ALDH1A2: variants seen among roughly 807,000 people sequenced by gnomAD.
The protein encoded by ALDH1A2 is aldehyde dehydrogenase 1 family member A2.
Under a neutral mutation model 60.3 loss-of-function variants are expected in ALDH1A2, and 27 were observed. The ratio of observed to expected loss-of-function variants is 0.45; its 90% CI spans 0.33 to 0.62. The LOEUF (loss-of-function observed/expected upper bound fraction) is 0.62, where lower values mean the gene tolerates loss of function less well. ALDH1A2 is among the 20% of genes least tolerant of loss of function. The probability of loss-of-function intolerance (pLI) is 0.02; values close to 1 mark genes in which losing one functional copy is unlikely to be tolerated. For missense variants in ALDH1A2, 581 were observed against 643.8 expected (o/e 0.90, Z 1.06); for synonymous variants, 289 against 232.4 (o/e 1.24, Z -2.21).
chr15:58,000,844 C>G (rs902687430), intron 4 of ALDH1A2, among the ~76,000 whole-genome samples: 1 of 151,710 alleles, frequency 6.6e-6, no homozygotes, highest in African/African-American at 2.4e-5. Context: ...ATCCACAGAC[C>G]ACACTCTGAG....
chr15:57,977,920 CTAAG>C (rs1300905737), intron 7 of ALDH1A2, among the ~76,000 whole-genome samples: 1 of 152,128 alleles, frequency 6.6e-6, no homozygotes, highest in Non-Finnish European at 1.5e-5. Flanking sequence ...CCAATCTCTT[CTAAG>C]TTTTATTCCT....
intron 4 of ALDH1A2, among the ~76,000 whole-genome samples, chr15:58,007,226 T>C (rs1295060396): frequency 6.6e-6 from 1 of 152,006 alleles, no homozygotes. Context: ...TAATCTTTTA[T>C]TTCCCCTAGG....
chr15:58,034,268 G>T (rs1329867311), intron 1 of ALDH1A2, among the ~76,000 whole-genome samples: 1 of 151,534 alleles, frequency 6.6e-6, no homozygotes, highest in Non-Finnish European at 1.5e-5. Context: ...AATTCCAAAT[G>T]TTCATCACCA....
chr15:58,030,663 CCTT>C (rs778542659), intron 1 of ALDH1A2, among the ~76,000 whole-genome samples: 11 of 151,854 alleles, frequency 7.2e-5, no homozygotes, highest in Admixed American at 2.6e-4. Flanking sequence ...CCCAAAATCT[CCTT>C]AATAGGCAAC....
chr15:58,014,461 T>C lies in ALDH1A2; in HGVS notation c.118-180A>G, dbSNP rs574356181. On this transcript the variant is annotated intron_variant, in intron 1 of 12. Coordinates refer to ENST00000249750, the MANE Select transcript of ALDH1A2 (RefSeq NM_003888.4). ...CAATTTAGGAATTTCCTCTATATTT[T>C]TGCTTTAACATCATCCAAAGGCTAA... 3.0e-5 allele frequency: 20 copies of C among 662,078 alleles called. No homozygotes were observed. The East Asian group carries it at 3.6e-4, about 12-fold the overall frequency. The allele number at this position is 662,078 out of a possible 1,614,324, so 41.0% of individuals were successfully genotyped here. A position where few individuals can be genotyped will look rare whatever the true frequency, so the allele number is the denominator to read the frequency against.
intron 1 of ALDH1A2, among the ~76,000 whole-genome samples, chr15:58,016,452 T>C (rs11858606): frequency 0.066 from 10,020 of 152,260 alleles, 452 homozygotes; most frequent in Non-Finnish European, 0.099. Flanking sequence ...GTTCAGTTTT[T>C]AGGTTTCTCT....
chr15:57,994,911 C>G (rs1281079026), intron 5 of ALDH1A2, among the ~76,000 whole-genome samples, 167 bp downstream of exon 5: 1 of 152,052 alleles, frequency 6.6e-6, no homozygotes, highest in Non-Finnish European at 1.5e-5. Context: ...TTAACCTGTT[C>G]AAATAAGCAT....
chr15:57,991,823 T>C (rs1894904638), intron 7 of ALDH1A2, among the ~76,000 whole-genome samples: 1 of 152,194 alleles, frequency 6.6e-6, no homozygotes, highest in East Asian at 1.9e-4. Context: ...CGGACATCCT[T>C]TGTTCAATGA....
chr15:57,964,035 C>G lies in ALDH1A2; in HGVS notation c.936G>C (p.Val312=). 6.2e-7 allele frequency: 1 copy of G among 1,614,144 alleles called. No homozygotes were observed. Among genetic ancestry groups the G allele is most frequent in the Non-Finnish European group, 8.5e-7 (1 of 1,180,012 alleles). The stretch of plus-strand genomic sequence containing the variant: ...TGCAGCACTGACCTTGATTGAAGAA[C>G]ACACCCTGGTGGGCCTGCTCCACAG... ...DYAVEQAHQG[V]FFNQGQCCTA... The change falls in exon 9 of 13, where the codon GTG becomes GTC. Residue 312 remains valine, a synonymous_variant. Transcript: ENST00000249750.
At chr15:57,958,141 T>G (rs201918585) in intron 12 of ALDH1A2, among the ~76,000 whole-genome samples, 3 of 152,118 alleles carry the variant, frequency 2.0e-5, no homozygotes, top group Non-Finnish European at 2.9e-5. Context: ...AGTGGGTCCC[T>G]AGATACGCAT....
intron 1 of ALDH1A2, among the ~76,000 whole-genome samples, chr15:58,032,370 G>A (rs143944450): frequency 1.5e-3 from 223 of 152,188 alleles, no homozygotes; most frequent in African/African-American, 5.1e-3. Context: ...TGGGGGAAGG[G>A]GGTAGGGATA....
chr15:57,985,884 G>GAGTAA (rs1420028271), intron 7 of ALDH1A2, among the ~76,000 whole-genome samples: 1 of 152,156 alleles, frequency 6.6e-6, no homozygotes, highest in Non-Finnish European at 1.5e-5. Context: ...TTACTTATGA[G>GAGTAA]AGTAAAGTAC....
intron 1 of ALDH1A2, among the ~76,000 whole-genome samples, chr15:58,031,964 A>C (rs1314816354): frequency 5.3e-5 from 8 of 152,224 alleles, no homozygotes; most frequent in Non-Finnish European, 1.0e-4. Flanking sequence ...TCAGGGATCT[A>C]GAACTAGAAA....
chr15:58,016,385 C>T (rs1895790857), intron 1 of ALDH1A2, among the ~76,000 whole-genome samples: 1 of 152,092 alleles, frequency 6.6e-6, no homozygotes, highest in Non-Finnish European at 1.5e-5. Flanking sequence ...CTCAGGTGAT[C>T]TGCCTGCCTC....
rs769962890 is a variant in ALDH1A2, at chr15:57,963,950, C to T, written c.1021G>A (p.Val341Met). The change falls in exon 9 of 13, where the codon GTG (valine) becomes ATG (methionine). Residue 341 changes from valine to methionine, a missense_variant. Around this residue, in one of 2 missense-constraint regions of ALDH1A2, gnomAD observed 375 missense variants for 469.7 expected, o/e 0.80. Transcript: ENST00000249750. ...ACTACGCGCCTCTTGGCCCGCTCCA[C>T]GCTTCTTCTCACAAACTCCTCATAG... ...SIYEEFVRRS[V>M]ERAKRRVVGS... 5.0e-6 allele frequency: 8 copies of T among 1,614,030 alleles called. No individual in the cohort carries two copies. Among genetic ancestry groups the T allele is most frequent in the Admixed American group, 1.7e-5 (1 of 60,006 alleles).
intron 12 of ALDH1A2, among the ~76,000 whole-genome samples, chr15:57,957,387 G>GAGAC (rs1342518384): frequency 2.1e-4 from 32 of 152,184 alleles, no homozygotes; most frequent in African/African-American, 7.5e-4. Flanking sequence ...AGGAGACTGA[G>GAGAC]AGACAGATGG....
At chr15:58,044,077 G>A (rs777891218) in intron 1 of ALDH1A2, among the ~76,000 whole-genome samples, 1 of 152,000 alleles carries the variant, frequency 6.6e-6, no homozygotes, top group Non-Finnish European at 1.5e-5. Flanking sequence ...AATTTTTGCT[G>A]ATGTCTATTT....
Position 57,962,158 on chromosome 15 carries a change from T to G in ALDH1A2, c.1105A>C (p.Asn369His). ...QGPQIDKKQY[N>H]KILELIQSGV... ...CTCTGGATGAGTTCCAAGATCTTGT[T>G]GTACTGTTTCTTATCAATCTGTGGG... The change falls in exon 10 of 13, where the codon AAC becomes CAC. Residue 369 changes from asparagine to histidine, a missense_variant. Asn to His is a moderately conservative substitution (Grantham distance 68). Transcript: ENST00000249750. 1 of 1,614,156 alleles carries G rather than the reference T, an allele frequency of 6.2e-7. No individual in the cohort carries two copies. Among genetic ancestry groups the G allele is most frequent in the South Asian group, 1.1e-5 (1 of 91,080 alleles).
At chr15:58,004,973 T>G (rs59848816) in intron 4 of ALDH1A2, among the ~76,000 whole-genome samples, 2,527 of 151,742 alleles carry the variant, frequency 0.017, 71 homozygotes, top group African/African-American at 0.058. Flanking sequence ...ATATACAGAT[T>G]TGATGCAATT....
Sources: allele counts gnomAD v4.1 joint callset (sites outside exome capture counted in the v4.1 genomes callset), GRCh38; gene constraint gnomAD v4.1.1; regional missense constraint gnomAD v4.1.1; transcripts MANE v1.5; gene names NCBI Gene and HGNC (gene_info 2026-07-23, HGNC 2026-07-21).